Variants in KRT72 observed in about 807,000 individuals in gnomAD.
KRT72 encodes the protein keratin, type II cytoskeletal 72.
A neutral mutation model predicts 44.7 loss-of-function variants in KRT72; 44 were observed. That is an observed-to-expected ratio of 0.98 (90% CI 0.77 to 1.27). The LOEUF (loss-of-function observed/expected upper bound fraction) is 1.27, where lower values mean the gene tolerates loss of function less well. KRT72 is among the 50% of genes most tolerant of loss of function. The pLI, the probability that KRT72 is intolerant of heterozygous loss-of-function variation, is 0.00. For synonymous variants in KRT72, 302 were observed against 280.4 expected, an observed-to-expected ratio of 1.08 and a Z score of -0.77; for missense variants, 736 against 667.1, an observed-to-expected ratio of 1.10 and a Z score of -1.14.
At chr12:52,598,871 G>C (rs1267838225) in intron 2 of KRT72, 27 bp downstream of exon 2, 2 of 1,602,630 alleles carry the variant, frequency 1.2e-6, no homozygotes. Flanking sequence ...AGATCCTCCA[G>C]GGCCATATTC....
In KRT72 at chr12:52,585,993, C is replaced by A. The variant is rs139457860; in HGVS notation, c.1525G>T (p.Ala509Ser). 5.0e-6 allele frequency: 8 copies of A among 1,612,934 alleles called. No individual in the cohort carries two copies. The African/African-American group carries it at 1.1e-4, about 22-fold the overall frequency. ...TSGSSCATKK[A>S]SR is the part of the protein sequence containing the mutation. ...CAACCACTTGTCCATCATCTGGAGG[C>A]CTTTTTGGTGGCACAGCTGCTCCCC... The change falls in exon 9 of 9, where the codon GCC becomes TCC. Residue 509 changes from alanine to serine, a missense_variant. Ala to Ser is a moderately conservative substitution (Grantham distance 99). Transcript: ENST00000293745.
chr12:52,592,944 AC>A lies in KRT72; in HGVS notation c.649del (p.Val217TrpfsTer25), dbSNP rs1441966139. 6.2e-7 allele frequency: 1 copy of A among 1,612,918 alleles called. No individual in the cohort carries two copies. The highest frequency in any genetic ancestry group is 1.3e-5 in the African/African-American group (1 of 74,800). ...LVEDYKKRYE[V>X]EINRRTAAEN... ...AGCAGCTGTGCGTCTGTTAATCTCC[AC>A]CTCATACCTGCATGGGGCAAGACAA... is the stretch of plus-strand genomic sequence containing the variant. On this transcript the variant is annotated frameshift_variant, in exon 3 of 9. Transcript: ENST00000293745. LOFTEE classifies it high-confidence loss of function.
intron 3 of KRT72, 59 bp from the exon 4 acceptor site, chr12:52,592,550 C>G: frequency 7.9e-7 from 1 of 1,268,882 alleles, no homozygotes; most frequent in South Asian, 1.2e-5. Flanking sequence ...ATCCCTCCCT[C>G]CCTGCCACAG....
intron 5 of KRT72, 105 bp downstream of exon 5, chr12:52,591,359 T>TAC (rs71092772): frequency 1.5e-3 from 1,684 of 1,120,312 alleles, no homozygotes; most frequent in East Asian, 8.4e-3. Context: ...TGAGCCCAAA[T>TAC]ACACACACAC....
rs111667503 is a variant in KRT72, at chr12:52,590,989, A to C, written c.964-28T>G. ...GAGGTTGGGTGACAAGAGAAGAGGA[A>C]CACAAGGATCCTACTGAACTAGGGC... On this transcript the variant is annotated intron_variant, in intron 5 of 8. Coordinates refer to ENST00000293745, the MANE Select transcript of KRT72 (RefSeq NM_080747.3). 1,132 of 1,566,834 alleles carry C rather than the reference A, an allele frequency of 7.2e-4. 2 individuals carry two copies. Among genetic ancestry groups the C allele is most frequent in the Admixed American group, 3.1e-3 (180 of 58,638 alleles).
intron 5 of KRT72, 80 bp from the exon 6 acceptor site, chr12:52,591,041 G>C: frequency 7.4e-7 from 1 of 1,346,178 alleles, no homozygotes; most frequent in Non-Finnish European, 9.9e-7. Context: ...GGACAGAAAG[G>C]ATCCTGCCCT....
In KRT72 at chr12:52,599,048, T is replaced by C; in HGVS notation, c.491A>G (p.Asp164Gly). The C allele has an allele frequency of 1.2e-6, 2 of 1,614,150 alleles. No individual in the cohort carries two copies. The highest frequency in any genetic ancestry group is 1.7e-6 in the Non-Finnish European group (2 of 1,179,998). Residue 164 changes from aspartate (D) to glycine (G), a missense_variant, in exon 2 of 9, where the codon GAC (aspartate) becomes GGC (glycine). Physicochemically the swap from Asp to Gly is moderately conservative, Grantham distance 94. Coordinates refer to ENST00000293745, the MANE Select transcript of KRT72 (RefSeq NM_080747.3). Reference protein sequence around the residue: ...ETKWNLLQQLDLNNCRKNLEP... With the variant: ...ETKWNLLQQLGLNNCRKNLEP... ...CAGGTTCTTCCTGCAGTTGTTCAAG[T>C]CCAGCTGCTGTAGGAGGTTCCACTT...
intron 8 of KRT72, among the ~76,000 whole-genome samples, chr12:52,586,538 T>G (rs1202512339): frequency 6.6e-6 from 1 of 152,188 alleles, no homozygotes; most frequent in Non-Finnish European, 1.5e-5. Flanking sequence ...CCACACAGGC[T>G]CTCCAGCTTT....
At chr12:52,597,009 G>A (rs943910494) in intron 2 of KRT72, among the ~76,000 whole-genome samples, 4 of 152,158 alleles carry the variant, frequency 2.6e-5, no homozygotes, top group African/African-American at 9.7e-5. Context: ...TTAAAGCAGA[G>A]CCCATTCATT....
intron 3 of KRT72, 68 bp downstream of exon 3, chr12:52,592,824 C>G (rs1940096522): frequency 7.0e-7 from 1 of 1,418,756 alleles, no homozygotes; most frequent in African/African-American, 1.4e-5. Context: ...CTTTCCTCAC[C>G]CTACAAGCAT....
At chr12:52,595,651 C>T (rs967536351) in intron 2 of KRT72, among the ~76,000 whole-genome samples, 2 of 152,164 alleles carry the variant, frequency 1.3e-5, no homozygotes, top group Non-Finnish European at 2.9e-5. Context: ...TGTGTGTATT[C>T]GTGTACAAAA....
chr12:52,587,650 G>A lies in KRT72; in HGVS notation c.1291C>T (p.Leu431=). ...CCTCACCTGCACTCCTCGCTCTCCA[G>A]CAGCTTGCGGTAGGTGGCGATCTCC... ...DMEIATYRKL[L]ESEECRMSGE... The change falls in exon 7 of 9, where the codon CTG becomes TTG. Residue 431 remains leucine, a synonymous_variant. Coordinates refer to ENST00000293745, the MANE Select transcript of KRT72 (RefSeq NM_080747.3). The A allele has an allele frequency of 1.2e-6, 2 of 1,614,200 alleles. No homozygotes were observed. Among genetic ancestry groups the A allele is most frequent in the South Asian group, 2.2e-5 (2 of 91,090 alleles).
intron 6 of KRT72, among the ~76,000 whole-genome samples, chr12:52,590,519 G>C (rs775579010): frequency 6.6e-6 from 1 of 152,154 alleles, no homozygotes; most frequent in Non-Finnish European, 1.5e-5. Flanking sequence ...ACCTGCACAC[G>C]TGCTGTGCAC....
At chr12:52,592,255 T>C in intron 4 of KRT72, 141 bp downstream of exon 4, 2 of 664,486 alleles carry the variant, frequency 3.0e-6, no homozygotes, top group Non-Finnish European at 5.4e-6. Context: ...CAGCACCCAG[T>C]AGGGCCTTGG....
intron 7 of KRT72, among the ~76,000 whole-genome samples, 185 bp from the exon 8 acceptor site, chr12:52,587,165 G>C (rs970744824): frequency 6.6e-6 from 1 of 151,938 alleles, no homozygotes; most frequent in African/African-American, 2.4e-5. Context: ...ATGAAAATCT[G>C]CTGCAAGGAG....
intron 5 of KRT72, 107 bp downstream of exon 5, chr12:52,591,357 A>AATACAC: frequency 3.4e-6 from 3 of 879,044 alleles, no homozygotes; most frequent in South Asian, 2.6e-5. Context: ...ACTGAGCCCA[A>AATACAC]ATACACACAC....
At chr12:52,593,103 C>G (rs907557101) in intron 2 of KRT72, 151 bp from the exon 3 acceptor site, 1 of 596,554 alleles carries the variant, frequency 1.7e-6, no homozygotes, top group African/African-American at 1.9e-5. Flanking sequence ...TAAGAGGATG[C>G]AGGCAAGGAC....
At chr12:52,586,841 T>A (rs1939772669) in intron 8 of KRT72, 105 bp downstream of exon 8, 1 of 1,114,768 alleles carries the variant, frequency 9.0e-7, no homozygotes, top group African/African-American at 1.5e-5. Context: ...AAGTCTCCCC[T>A]GAGCCCCCTC....
rs554645987 is a variant in KRT72 at position 52,592,815 on chromosome 12, T to C, written c.702+77A>G. 1,740 of 1,337,042 alleles carry C rather than the reference T, an allele frequency of 1.3e-3. 2 individuals are homozygous for C. The highest frequency in any genetic ancestry group is 1.3e-3 in the Non-Finnish European group (1,194 of 944,150). 82.8% of individuals were successfully genotyped at this position (1,337,042 alleles called of 1,614,324 possible). On this transcript the variant is annotated intron_variant, in intron 3 of 8. Transcript: ENST00000293745. ...GGGACTGAGTGACCTACAGGGCCCC[T>C]TTCCTCACCCTACAAGCATCATTGT...
Sources: allele counts gnomAD v4.1 joint callset (sites outside exome capture counted in the v4.1 genomes callset), GRCh38; gene constraint gnomAD v4.1.1; transcripts MANE v1.5; gene names NCBI Gene and HGNC (gene_info 2026-07-23, HGNC 2026-07-21).